Variants in KIAA1328 observed in about 807,000 individuals in gnomAD.
KIAA1328 encodes the protein protein hinderin.
A neutral mutation model predicts 68.1 loss-of-function variants in KIAA1328; 52 were observed. The ratio of observed to expected loss-of-function variants is 0.76; its 90% CI spans 0.61 to 0.96. The LOEUF (loss-of-function observed/expected upper bound fraction) is 0.96. KIAA1328 is among the 40% of genes least tolerant of loss of function. The pLI is 0.00. For missense variants in KIAA1328, 641 were observed against 677.6 expected (o/e 0.95, Z 0.60); for synonymous variants, 232 against 239.4 (o/e 0.97, Z 0.28).
At chr18:36,995,974 T>C (rs552327362) in intron 6 of KIAA1328, among the ~76,000 whole-genome samples, 2 of 152,346 alleles carry the variant, frequency 1.3e-5, no homozygotes, top group East Asian at 1.9e-4. Context: ...CTTTTGTTTA[T>C]TGGTCACTTC....
intron 9 of KIAA1328, among the ~76,000 whole-genome samples, chr18:37,192,195 C>T (rs749457131): frequency 4.9e-5 from 7 of 143,586 alleles, no homozygotes; most frequent in South Asian, 2.2e-4. Flanking sequence ...ATGTGTGTTG[C>T]GTGTGTGGAG....
intron 7 of KIAA1328, among the ~76,000 whole-genome samples, chr18:37,102,309 C>A (rs879538199): frequency 2.6e-5 from 4 of 152,158 alleles, no homozygotes; most frequent in Non-Finnish European, 5.9e-5. Context: ...AGGAAGAATA[C>A]ATATTGGATG....
intron 9 of KIAA1328, among the ~76,000 whole-genome samples, chr18:37,199,127 G>A (rs963344150): frequency 6.6e-6 from 1 of 152,180 alleles, no homozygotes; most frequent in African/African-American, 2.4e-5. Flanking sequence ...TACATATGCA[G>A]GATGTACAGG....
chr18:36,877,489 A>C (rs1218871455), intron 4 of KIAA1328, among the ~76,000 whole-genome samples: 1 of 148,040 alleles, frequency 6.8e-6, no homozygotes, highest in Non-Finnish European at 1.5e-5. Flanking sequence ...ATAGGATTGC[A>C]ACCCCTGGTG....
At chr18:37,196,037 AT>A (rs997022437) in intron 9 of KIAA1328, among the ~76,000 whole-genome samples, 2 of 151,476 alleles carry the variant, frequency 1.3e-5, no homozygotes, top group African/African-American at 4.9e-5. Flanking sequence ...ATTTATTCCT[AT>A]TTTTTTGTAG....
At chr18:36,836,210 C>G (rs963538585) in intron 3 of KIAA1328, among the ~76,000 whole-genome samples, 1 of 152,166 alleles carries the variant, frequency 6.6e-6, no homozygotes, top group Non-Finnish European at 1.5e-5. Context: ...AAAAGGCCTA[C>G]TTTACGTTAC....
chr18:36,955,146 T>A (rs1458324868), intron 5 of KIAA1328, among the ~76,000 whole-genome samples: 1 of 151,428 alleles, frequency 6.6e-6, no homozygotes, highest in African/African-American at 2.4e-5. Context: ...TCCTATTTTT[T>A]TTTTTTGAGA....
At chr18:37,212,965 T>G in intron 9 of KIAA1328, among the ~76,000 whole-genome samples, 1 of 152,154 alleles carries the variant, frequency 6.6e-6, no homozygotes, top group East Asian at 1.9e-4. Context: ...GTGATCCACC[T>G]GCCTCAGCCT....
chr18:36,858,824 T>C (rs2047464626), intron 4 of KIAA1328, among the ~76,000 whole-genome samples: 1 of 152,242 alleles, frequency 6.6e-6, no homozygotes, highest in Admixed American at 6.5e-5. Flanking sequence ...CATCAGCATA[T>C]GATACCAGCA....
intron 6 of KIAA1328, among the ~76,000 whole-genome samples, chr18:36,990,014 G>T (rs994334122): frequency 6.6e-6 from 1 of 152,034 alleles, no homozygotes; most frequent in East Asian, 1.9e-4. Flanking sequence ...TTTTAAGACA[G>T]TTTTTTCCTC....
intron 9 of KIAA1328, among the ~76,000 whole-genome samples, chr18:37,219,569 C>T (rs555652425): frequency 1.3e-5 from 2 of 152,306 alleles, no homozygotes; most frequent in South Asian, 2.1e-4. Context: ...TGCTGTCTCG[C>T]GGGTCGATCT....
intron 9 of KIAA1328, among the ~76,000 whole-genome samples, chr18:37,219,912 A>T (rs2060525020): frequency 6.6e-6 from 1 of 152,152 alleles, no homozygotes; most frequent in South Asian, 2.1e-4. Context: ...TTCTTTGTCG[A>T]TCACACTGGG....
chr18:37,013,722 C>T (rs895179015), intron 6 of KIAA1328, among the ~76,000 whole-genome samples: 7 of 152,162 alleles, frequency 4.6e-5, no homozygotes, highest in Non-Finnish European at 7.3e-5. Flanking sequence ...ACGTGTACCA[C>T]ATTTTCTTTA....
chr18:36,890,412 TATA>T (rs1395836447), intron 5 of KIAA1328, among the ~76,000 whole-genome samples: 7 of 152,124 alleles, frequency 4.6e-5, no homozygotes, highest in African/African-American at 1.7e-4. Context: ...GGCTCACGCT[TATA>T]ATCCCAGCAC....
chr18:36,935,883 A>G (rs1049366911), intron 5 of KIAA1328, among the ~76,000 whole-genome samples: 3 of 152,174 alleles, frequency 2.0e-5, no homozygotes, highest in Non-Finnish European at 4.4e-5. Context: ...TTAATGAGAT[A>G]TAATAATGGG....
At chr18:36,958,383 C>T (rs1167578643) in intron 5 of KIAA1328, among the ~76,000 whole-genome samples, 2 of 152,072 alleles carry the variant, frequency 1.3e-5, no homozygotes, top group Non-Finnish European at 2.9e-5. Context: ...ATTGCTGGGT[C>T]ATATGTCAAA....
intron 7 of KIAA1328, among the ~76,000 whole-genome samples, chr18:37,125,543 G>T (rs2058369337): frequency 6.6e-6 from 1 of 152,046 alleles, no homozygotes; most frequent in South Asian, 2.1e-4. Flanking sequence ...TAATAATAGA[G>T]AAATCAATGA....
At chr18:37,064,404 T>A (rs1478066049) in intron 6 of KIAA1328, among the ~76,000 whole-genome samples, 1 of 152,178 alleles carries the variant, frequency 6.6e-6, no homozygotes, top group African/African-American at 2.4e-5. Context: ...AATAAATTGG[T>A]GGGATTTTTC....
intron 6 of KIAA1328, among the ~76,000 whole-genome samples, chr18:36,960,998 T>C (rs1318327810): frequency 6.6e-6 from 1 of 152,084 alleles, no homozygotes; most frequent in Non-Finnish European, 1.5e-5. Flanking sequence ...TTTCAGAAGG[T>C]TGATAATAAC....
Sources: gnomAD v4.1 joint callset for allele counts (sites outside exome capture counted in the v4.1 genomes callset) on GRCh38, gnomAD v4.1.1 for gene constraint, MANE v1.5 for transcripts, NCBI Gene and HGNC (gene_info 2026-07-23, HGNC 2026-07-21) for gene names.